Variants in DDAH1 observed in about 807,000 individuals in gnomAD.
DDAH1 encodes the protein N(G),N(G)-dimethylarginine dimethylaminohydrolase 1.
A neutral mutation model predicts 28.8 loss-of-function variants in DDAH1; 19 were observed. The observed-to-expected ratio is 0.66, with a 90% CI of 0.46 to 0.97. DDAH1 has a LOEUF of 0.97. Among genes scored for constraint, DDAH1 ranks in the 50% least tolerant of loss-of-function variants. DDAH1 has a pLI of 0.00. For synonymous variants in DDAH1, 153 were observed against 154.4 expected (o/e 0.99, Z 0.07); for missense variants, 326 against 375.9 (o/e 0.87, Z 1.10).
chr1:85,508,536 G>A (rs999073430), intron 1 of DDAH1, among the ~76,000 whole-genome samples: 1 of 152,242 alleles, frequency 6.6e-6, no homozygotes, highest in African/African-American at 2.4e-5. Flanking sequence ...CCTGAGAAGT[G>A]CAAGGGGCTG....
intron 1 of DDAH1, among the ~76,000 whole-genome samples, chr1:85,511,823 C>T (rs148445165): frequency 0.019 from 2,858 of 152,288 alleles, 50 homozygotes; most frequent in East Asian, 0.078. Flanking sequence ...TCTGAATAGA[C>T]CAATAACAGG....
intron 4 of DDAH1, among the ~76,000 whole-genome samples, chr1:85,340,472 T>C (rs1648406985): frequency 6.6e-6 from 1 of 152,186 alleles, no homozygotes; most frequent in South Asian, 2.1e-4. Context: ...GAACAGGAGT[T>C]CTGTAATTAT....
intron 4 of DDAH1, among the ~76,000 whole-genome samples, chr1:85,342,512 G>A (rs2100824447): frequency 6.6e-6 from 1 of 152,074 alleles, no homozygotes; most frequent in South Asian, 2.1e-4. Context: ...TTTTAATGAG[G>A]AATTTTAGCA....
chr1:85,341,179 C>A (rs534418218), intron 4 of DDAH1, among the ~76,000 whole-genome samples: 1 of 152,318 alleles, frequency 6.6e-6, no homozygotes, highest in Admixed American at 6.5e-5. Flanking sequence ...AGGCAGAGAT[C>A]ATGCAGAGAT....
intron 1 of DDAH1, among the ~76,000 whole-genome samples, chr1:85,456,330 A>T (rs1356510366): frequency 6.6e-6 from 1 of 152,266 alleles, no homozygotes; most frequent in Non-Finnish European, 1.5e-5. Context: ...GCAAATAGAA[A>T]TTAGTTTTGT....
intron 1 of DDAH1, among the ~76,000 whole-genome samples, chr1:85,370,520 T>G (rs1346476940): frequency 6.6e-6 from 1 of 152,210 alleles, no homozygotes; most frequent in Non-Finnish European, 1.5e-5. Flanking sequence ...TTACAAATTC[T>G]GGATAGCTGC....
intron 4 of DDAH1, 42 bp downstream of exon 4, chr1:85,350,373 G>T (rs1435302897): frequency 6.3e-7 from 1 of 1,595,328 alleles, no homozygotes; most frequent in African/African-American, 1.3e-5. Context: ...CCTGTGGCAG[G>T]CACCCCCACT....
chr1:85,471,220 G>A (rs1456019184), intron 2 of DDAH1, among the ~76,000 whole-genome samples: 5 of 152,116 alleles, frequency 3.3e-5, no homozygotes, highest in African/African-American at 9.7e-5. Context: ...TTCTGCTGGC[G>A]GCCCCTATTC....
chr1:85,330,341 T>A (rs1392047359), intron 4 of DDAH1, among the ~76,000 whole-genome samples: 5 of 152,220 alleles, frequency 3.3e-5, no homozygotes, highest in Admixed American at 6.5e-5. Flanking sequence ...ACAGAGGCTT[T>A]GTTAAAAGAT....
Position 85,319,632 on chromosome 1 carries a change from T to A in DDAH1, c.*1820A>T, listed in dbSNP as rs1661239810. ...ATGTGGCTAACATTCGTTCTCTCTCTGGTAAAAAGATATTATTCATCTCTG... is the reference window on the plus strand; with the variant it reads ...ATGTGGCTAACATTCGTTCTCTCTCAGGTAAAAAGATATTATTCATCTCTG... On this transcript the variant is annotated 3_prime_UTR_variant, in exon 6 of 6. Coordinates refer to ENST00000284031, the MANE Select transcript of DDAH1 (RefSeq NM_012137.4). The A allele has an allele frequency of 6.6e-6, 1 of 152,224 alleles. No individual in the cohort carries two copies. Among genetic ancestry groups the A allele is most frequent in the Non-Finnish European group, 1.5e-5 (1 of 68,036 alleles). The allele number at this position is 152,224 out of a possible 1,614,324, so 9.4% of individuals were successfully genotyped here.
intron 1 of DDAH1, among the ~76,000 whole-genome samples, chr1:85,359,177 T>C (rs956272398): frequency 2.0e-5 from 3 of 152,242 alleles, no homozygotes; most frequent in Admixed American, 1.3e-4. Flanking sequence ...GACCAGTTAA[T>C]GCACCATTGG....
At chr1:85,448,182 A>T in intron 1 of DDAH1, 1 of 159,140 alleles carries the variant, frequency 6.3e-6, no homozygotes, top group East Asian at 1.8e-4. Flanking sequence ...AGAGTATTTT[A>T]TGTGTGGCCC....
intron 2 of DDAH1, among the ~76,000 whole-genome samples, chr1:85,486,243 G>A (rs887161174): frequency 2.0e-5 from 3 of 152,166 alleles, no homozygotes; most frequent in African/African-American, 7.2e-5. Context: ...TGTCATCTAT[G>A]CTTTAGAATA....
At chr1:85,349,023 C>T (rs576298104) in intron 4 of DDAH1, among the ~76,000 whole-genome samples, 204 of 152,280 alleles carry the variant, frequency 1.3e-3, no homozygotes, top group Non-Finnish European at 2.2e-3. Context: ...CTAGGTACCA[C>T]GGATAGATAC....
chr1:85,517,871 GC>G (rs1161975961), intron 1 of DDAH1, among the ~76,000 whole-genome samples: 1 of 152,074 alleles, frequency 6.6e-6, no homozygotes, highest in Non-Finnish European at 1.5e-5. Flanking sequence ...TACTCACTGG[GC>G]CCTCATGTTT....
chr1:85,525,202 C>G (rs2100767009), intron 1 of DDAH1, among the ~76,000 whole-genome samples: 1 of 151,528 alleles, frequency 6.6e-6, no homozygotes, highest in African/African-American at 2.4e-5. Context: ...AGTGAAGCAA[C>G]CAAAATAATA....
chr1:85,347,520 A>G (rs908605154), intron 4 of DDAH1, among the ~76,000 whole-genome samples: 1 of 152,176 alleles, frequency 6.6e-6, no homozygotes, highest in African/African-American at 2.4e-5. Flanking sequence ...ACAAGAGCAA[A>G]AAACCAAACA....
At chr1:85,452,843 A>T (rs1654725772) in intron 1 of DDAH1, among the ~76,000 whole-genome samples, 1 of 152,216 alleles carries the variant, frequency 6.6e-6, no homozygotes, top group South Asian at 2.1e-4. Context: ...GCAAACCAAC[A>T]ACAACAAAAA....
chr1:85,402,637 G>A (rs552249625), intron 1 of DDAH1, among the ~76,000 whole-genome samples: 3 of 152,182 alleles, frequency 2.0e-5, no homozygotes, highest in Admixed American at 6.5e-5. Flanking sequence ...CTGGCCGGAC[G>A]CGGTGGTTCA....
Sources: allele counts gnomAD v4.1 joint callset (sites outside exome capture counted in the v4.1 genomes callset), GRCh38; gene constraint gnomAD v4.1.1; transcripts MANE v1.5; gene names NCBI Gene and HGNC (gene_info 2026-07-23, HGNC 2026-07-21).